Variants in CTNNA2 observed in about 807,000 individuals in gnomAD.
The protein encoded by CTNNA2 is catenin alpha-2.
Under a neutral mutation model 101.0 loss-of-function variants are expected in CTNNA2, and 42 were observed. The ratio of observed to expected loss-of-function variants is 0.42; its 90% CI spans 0.32 to 0.54. The LOEUF (loss-of-function observed/expected upper bound fraction) is 0.54. CTNNA2 is among the 20% of genes least tolerant of loss of function. The probability of loss-of-function intolerance (pLI) is 0.14; values close to 1 mark genes in which losing one functional copy is unlikely to be tolerated. For missense variants in CTNNA2, 871 were observed against 1,223.1 expected (o/e 0.71, Z 4.29); for synonymous variants, 450 against 456.4 (o/e 0.99, Z 0.18).
At chr2:80,438,394 TG>T (rs1268219563) in intron 9 of CTNNA2, among the ~76,000 whole-genome samples, 5 of 149,320 alleles carry the variant, frequency 3.3e-5, no homozygotes, top group African/African-American at 1.0e-4. Context: ...CGATGCCAAA[TG>T]TTTTTTTTTT....
intron 7 of CTNNA2, among the ~76,000 whole-genome samples, chr2:80,232,341 G>GTTGTTTTTTTTTTT (rs1709276642): frequency 1.2e-5 from 1 of 82,058 alleles, no homozygotes; most frequent in African/African-American, 3.3e-5. Flanking sequence ...TTGTTTGTTT[G>GTTGTTTTTTTTTTT]TTTGTTTTTT....
rs1573354052 is a variant in CTNNA2, at chr2:80,581,912, C to A, written c.2007+93C>A. The A allele has an allele frequency of 2.0e-5, 14 of 712,258 alleles. No homozygotes were observed. The East Asian group carries it at 3.4e-4, about 17-fold the overall frequency. The allele number at this position is 712,258 out of a possible 1,614,324, so 44.1% of individuals were successfully genotyped here. A position where few individuals can be genotyped will look rare whatever the true frequency, so the allele number is the denominator to read the frequency against. On this transcript the variant is annotated intron_variant, in intron 14 of 18. Transcript: ENST00000402739. ...TTTCTAAACTCCAGACACGTGGTAC[C>A]CCAGAGATTCATGGGTCAGAAATCT...
intron 7 of CTNNA2, among the ~76,000 whole-genome samples, chr2:80,306,698 G>T (rs757320080): frequency 2.9e-4 from 44 of 152,010 alleles, no homozygotes; most frequent in Non-Finnish European, 4.9e-4. Context: ...GTTGGGAGGT[G>T]GGGGAGGGGT....
chr2:80,259,154 C>A (rs893089932), intron 7 of CTNNA2, among the ~76,000 whole-genome samples: 6 of 152,050 alleles, frequency 3.9e-5, no homozygotes, highest in African/African-American at 1.4e-4. Context: ...CTTGATTTTG[C>A]GGTTCAACAG....
chr2:79,998,684 T>A (rs1558714423), intron 7 of CTNNA2, among the ~76,000 whole-genome samples: 1 of 152,194 alleles, frequency 6.6e-6, no homozygotes, highest in Non-Finnish European at 1.5e-5. Flanking sequence ...TTTAATTTAA[T>A]AGAGAAATGA....
chr2:79,782,097 ATTGC>A (rs1361259946), intron 3 of CTNNA2, among the ~76,000 whole-genome samples: 8 of 152,184 alleles, frequency 5.3e-5, no homozygotes, highest in African/African-American at 1.9e-4. Flanking sequence ...AGTGGCATTT[ATTGC>A]TTATCAAATC....
chr2:79,757,078 A>G (rs1218499565), intron 3 of CTNNA2, among the ~76,000 whole-genome samples: 1 of 152,212 alleles, frequency 6.6e-6, no homozygotes, highest in Non-Finnish European at 1.5e-5. Flanking sequence ...TACTCTGCTG[A>G]TTTGAAAACA....
intron 16 of CTNNA2, among the ~76,000 whole-genome samples, chr2:80,606,406 A>G (rs932703209): frequency 8.3e-6 from 1 of 120,838 alleles, no homozygotes; most frequent in East Asian, 2.5e-4. Flanking sequence ...ACACACACAC[A>G]CACACACCCC....
In CTNNA2 at chr2:79,649,654, A is replaced by T. The variant is rs562624018; in HGVS notation, c.-5-1898A>T. ...TTGGTAGTGTGAATGGAAAATGTGT[A>T]AAGTGTTTTTAGGTTTTTGGAGGAC... On this transcript the variant is annotated intron_variant, in intron 1 of 18. Coordinates refer to ENST00000402739, the MANE Select transcript of CTNNA2 (RefSeq NM_001282597.3). 3.3e-5 allele frequency among the ~76,000 whole-genome samples: 5 copies of T among 152,312 alleles called. No individual in the cohort carries two copies. The East Asian group carries it at 9.6e-4, about 29-fold the overall frequency.
chr2:80,130,031 A>T (rs957294362), intron 7 of CTNNA2, among the ~76,000 whole-genome samples: 1 of 152,144 alleles, frequency 6.6e-6, no homozygotes, highest in Admixed American at 6.5e-5. Context: ...TTGCAGGATG[A>T]GAGGGGATTA....
chr2:79,475,408 A>T (rs915118559), intron 4 of CTNNA2, among the ~76,000 whole-genome samples: 3 of 151,370 alleles, frequency 2.0e-5, no homozygotes, highest in Non-Finnish European at 4.4e-5. Flanking sequence ...AATTATTCTT[A>T]TTTTTTTTTC....
At chr2:80,321,027 C>CA (rs1300842177) in intron 7 of CTNNA2, among the ~76,000 whole-genome samples, 1 of 152,118 alleles carries the variant, frequency 6.6e-6, no homozygotes, top group Non-Finnish European at 1.5e-5. Flanking sequence ...AATGTTTATT[C>CA]ACATAATCAA....
rs914942743 is a variant in CTNNA2, at chr2:79,269,025, A to T, written c.-405-43684A>T. On this transcript the variant is annotated intron_variant, in intron 2 of 21. Coordinates refer to the CTNNA2 transcript ENST00000466387. ...GTGCGGAATGGGAGCATTTCAAGCC[A>T]CCTCAGAGGGGCCAGATCGTTACCA... 3.3e-5 allele frequency among the ~76,000 whole-genome samples: 5 copies of T among 152,104 alleles called. No individual in the cohort carries two copies. The South Asian group carries it at 1.0e-3, about 32-fold the overall frequency.
chr2:79,562,614 A>G (rs1674850281), intron 1 of CTNNA2, among the ~76,000 whole-genome samples: 1 of 152,052 alleles, frequency 6.6e-6, no homozygotes, highest in Admixed American at 6.6e-5. Context: ...TTTCGCATCT[A>G]CAATTTGAAT....
intron 3 of CTNNA2, among the ~76,000 whole-genome samples, chr2:79,789,121 G>A (rs1675073173): frequency 1.3e-5 from 2 of 152,168 alleles, no homozygotes; most frequent in African/African-American, 2.4e-5. Context: ...GACATTGCGT[G>A]TAAAGTACAC....
intron 9 of CTNNA2, among the ~76,000 whole-genome samples, chr2:80,475,746 C>CA (rs1461519226): frequency 2.0e-5 from 3 of 152,106 alleles, no homozygotes; most frequent in Non-Finnish European, 4.4e-5. Flanking sequence ...AGAGAGGTCT[C>CA]AAACTGCCAG....
At chr2:80,476,849 T>C (rs143386966) in intron 9 of CTNNA2, among the ~76,000 whole-genome samples, 2 of 152,188 alleles carry the variant, frequency 1.3e-5, no homozygotes, top group African/African-American at 4.8e-5. Context: ...GGTGGACTTA[T>C]GACTTGTGCC....
chr2:79,648,437 C>G (rs1253458528), intron 1 of CTNNA2, among the ~76,000 whole-genome samples: 1 of 152,006 alleles, frequency 6.6e-6, no homozygotes. Context: ...TCATGCAATT[C>G]CAATTGGCCA....
intron 4 of CTNNA2, among the ~76,000 whole-genome samples, chr2:79,393,768 G>GTT (rs1422225052): frequency 6.6e-6 from 1 of 151,900 alleles, no homozygotes; most frequent in Non-Finnish European, 1.5e-5. Context: ...CTCCATCACA[G>GTT]CTCCAATCAA....
Sources: allele counts gnomAD v4.1 joint callset (sites outside exome capture counted in the v4.1 genomes callset), GRCh38; gene constraint gnomAD v4.1.1; transcripts MANE v1.5; gene names NCBI Gene and HGNC (gene_info 2026-07-23, HGNC 2026-07-21).